The following SEL1L3 variants were observed in gnomAD, a reference collection of about 807,000 sequenced individuals.
SEL1L3 encodes SEL1L family member 3.
Under a neutral mutation model 142.8 loss-of-function variants are expected in SEL1L3, and 76 were observed. The ratio of observed to expected loss-of-function variants is 0.53; its 90% CI spans 0.44 to 0.64. SEL1L3 has a LOEUF of 0.64. SEL1L3 is among the 30% of genes least tolerant of loss of function. The pLI is 0.00. For missense variants in SEL1L3, 1,262 were observed against 1,381.7 expected (o/e 0.91, Z 1.37); for synonymous variants, 504 against 519.6 (o/e 0.97, Z 0.41).
intron 9 of SEL1L3, 147 bp from the exon 10 acceptor site, chr4:25,804,899 G>T: frequency 1.5e-6 from 1 of 648,550 alleles, no homozygotes; most frequent in Middle Eastern, 4.2e-4. Context: ...TTCCAGGGAG[G>T]TAAATGAAAC....
Position 25,802,366 on chromosome 4 carries a change from G to A in SEL1L3, c.1873C>T (p.Leu625=). The change falls in exon 11 of 24, where the codon CTG becomes TTG. Residue 625 remains leucine, a synonymous_variant. Coordinates refer to ENST00000399878, the MANE Select transcript of SEL1L3 (RefSeq NM_015187.5). ...KHYQGIDNYP[L]DWELSYAYYS... is the part of the protein sequence containing the mutation. ...TAGGCATACGACAGTTCCCAGTCCA[G>A]GGGGTAGTTGTCAATACCCTGGTAG... The A allele has an allele frequency of 1.2e-6, 2 of 1,613,770 alleles. No homozygotes were observed. The highest frequency in any genetic ancestry group is 1.7e-6 in the Non-Finnish European group (2 of 1,179,766).
At chr4:25,831,695 T>C (rs1432655214) in intron 5 of SEL1L3, among the ~76,000 whole-genome samples, 2 of 151,762 alleles carry the variant, frequency 1.3e-5, no homozygotes, top group East Asian at 1.9e-4. Context: ...CAGTTAATTT[T>C]TGTATTTTTA....
At chr4:25,715,726 T>C in the SEL1L3 span, among the ~76,000 whole-genome samples, 1 of 152,110 alleles carries the variant, frequency 6.6e-6, no homozygotes, top group African/African-American at 2.4e-5. Flanking sequence ...TGGAATATTA[T>C]ATAGCTATAA....
At chr4:25,771,182 G>C (rs1459544888) in intron 17 of SEL1L3, among the ~76,000 whole-genome samples, 1 of 152,170 alleles carries the variant, frequency 6.6e-6, no homozygotes, top group Non-Finnish European at 1.5e-5. Context: ...TTTAATTGCA[G>C]GAAACCCAAA....
Position 25,788,358 on chromosome 4 carries a change from A to G in SEL1L3, c.2083T>C (p.Leu695=), listed in dbSNP as rs1175173195. ...TRGNAAAQQR[L]AQMLFWGQQG... ...TGCCCCCAGAACAGCATCTGGGCCA[A>G]TCGTTGCTTAAAGATAATAGCAATT... The change falls in exon 13 of 24, where the codon TTG becomes CTG. Residue 695 remains leucine, a synonymous_variant. Coordinates refer to ENST00000399878, the MANE Select transcript of SEL1L3 (RefSeq NM_015187.5). The surrounding 1 kb of genome is among the most constrained non-coding windows in gnomAD (Gnocchi z 5.3). 6.2e-7 allele frequency: 1 copy of G among 1,613,674 alleles called. No homozygotes were observed. Among genetic ancestry groups the G allele is most frequent in the Non-Finnish European group, 8.5e-7 (1 of 1,179,848 alleles).
At chr4:25,843,860 G>A (rs1716330512) in intron 2 of SEL1L3, among the ~76,000 whole-genome samples, 1 of 152,388 alleles carries the variant, frequency 6.6e-6, no homozygotes, top group South Asian at 2.1e-4. Flanking sequence ...ATAAGCTGCT[G>A]AGAGCCGTGT....
At chr4:25,741,086 T>C in the SEL1L3 span, among the ~76,000 whole-genome samples, 2 of 150,072 alleles carry the variant, frequency 1.3e-5, no homozygotes, top group Non-Finnish European at 3.0e-5. Flanking sequence ...CACCTGGCCA[T>C]ATTACCTATA....
chr4:25,750,616 A>G (rs1717533355), intron 23 of SEL1L3, among the ~76,000 whole-genome samples: 1 of 152,186 alleles, frequency 6.6e-6, no homozygotes, highest in Non-Finnish European at 1.5e-5. Context: ...ACTCTTCAGG[A>G]GTGGAGATAC....
chr4:25,781,843 A>C (rs921356407), intron 15 of SEL1L3, among the ~76,000 whole-genome samples: 3 of 152,240 alleles, frequency 2.0e-5, no homozygotes, highest in African/African-American at 7.2e-5. Context: ...CATTATTATT[A>C]AAACTGGTTT....
At chr4:25,775,819 T>C (rs1485341816) in intron 17 of SEL1L3, among the ~76,000 whole-genome samples, 1 of 152,208 alleles carries the variant, frequency 6.6e-6, no homozygotes, top group South Asian at 2.1e-4. Context: ...CTCCTAGTCA[T>C]GGCAGATGCA....
At chr4:25,809,755 A>G (rs1216705385) in intron 9 of SEL1L3, among the ~76,000 whole-genome samples, 1 of 152,068 alleles carries the variant, frequency 6.6e-6, no homozygotes, top group Non-Finnish European at 1.5e-5. Context: ...TAAAAAAACT[A>G]TATGTATGCT....
chr4:25,747,148 A>G (rs917556952), downstream of SEL1L3, among the ~76,000 whole-genome samples: 1 of 152,222 alleles, frequency 6.6e-6, no homozygotes, highest in Non-Finnish European at 1.5e-5. Flanking sequence ...ATGAACTACA[A>G]GCTTAGCCTG....
At chr4:25,786,196 A>G (rs1219729978) in intron 13 of SEL1L3, among the ~76,000 whole-genome samples, 2 of 152,172 alleles carry the variant, frequency 1.3e-5, no homozygotes, top group African/African-American at 2.4e-5. Flanking sequence ...CCATCTTGGT[A>G]CCATCTTTGC....
At chr4:25,742,594 C>T (rs188340327), downstream of SEL1L3, among the ~76,000 whole-genome samples, 25 of 152,310 alleles carry the variant, frequency 1.6e-4, no homozygotes, top group African/African-American at 5.5e-4. Flanking sequence ...CCGCACCCGG[C>T]CAAGGAGTAG....
chr4:25,826,583 T>G (rs376415301), intron 6 of SEL1L3, among the ~76,000 whole-genome samples: 2 of 151,912 alleles, frequency 1.3e-5, no homozygotes, highest in Non-Finnish European at 2.9e-5. Flanking sequence ...ATTTCTCTGA[T>G]GGGGAGGTCT....
chr4:25,819,418 A>C (rs1714608418), intron 8 of SEL1L3, among the ~76,000 whole-genome samples: 1 of 152,244 alleles, frequency 6.6e-6, no homozygotes, highest in Admixed American at 6.5e-5. Flanking sequence ...CAATGGCCCA[A>C]AACAAAAGTG....
chr4:25,759,434 C>G (rs1159066350), intron 20 of SEL1L3: 1 of 175,928 alleles, frequency 5.7e-6, no homozygotes, highest in East Asian at 1.6e-4. Context: ...ACAGACTATG[C>G]CCTCAGTTGC....
At chr4:25,857,149 G>C (rs944739793) in intron 1 of SEL1L3, among the ~76,000 whole-genome samples, 1 of 151,996 alleles carries the variant, frequency 6.6e-6, no homozygotes, top group East Asian at 1.9e-4. Flanking sequence ...TGTAATTTCT[G>C]TCTACTAGAT....
chr4:25,737,426 C>T, the SEL1L3 span, among the ~76,000 whole-genome samples: 1 of 152,160 alleles, frequency 6.6e-6, no homozygotes, highest in African/African-American at 2.4e-5. Flanking sequence ...TGTGTGCTTG[C>T]ATGGCCCCTT....
Sources: gnomAD v4.1 joint callset for allele counts (sites outside exome capture counted in the v4.1 genomes callset) on GRCh38, gnomAD v4.1.1 for gene constraint, Gnocchi (gnomAD v3.1) non-coding constraint, MANE v1.5 for transcripts, NCBI Gene and HGNC (gene_info 2026-07-23, HGNC 2026-07-21) for gene names.